OSBPL1A: variants seen among roughly 807,000 people sequenced by gnomAD.
OSBPL1A encodes the protein oxysterol binding protein like 1A.
OSBPL1A carries 80 observed loss-of-function variants against 137.1 expected under a neutral mutation model. The ratio of observed to expected loss-of-function variants is 0.58; its 90% CI spans 0.49 to 0.70. The LOEUF is 0.70. Ranked by LOEUF, OSBPL1A falls within the 30% of genes least tolerant of loss-of-function variation. OSBPL1A has a pLI of 0.00. For synonymous variants in OSBPL1A, 365 were observed against 389.7 expected, an observed-to-expected ratio of 0.94 and a Z score of 0.75; for missense variants, 970 against 1,129.4, an observed-to-expected ratio of 0.86 and a Z score of 2.02.
At chr18:24,205,917 G>C (rs1232460595) in intron 17 of OSBPL1A, among the ~76,000 whole-genome samples, 1 of 152,202 alleles carries the variant, frequency 6.6e-6, no homozygotes, top group East Asian at 1.9e-4. Flanking sequence ...TTGAGACAGA[G>C]TCTCGATCTG....
At chr18:24,198,848 G>C (rs547160385) in intron 17 of OSBPL1A, among the ~76,000 whole-genome samples, 1 of 140,236 alleles carries the variant, frequency 7.1e-6, no homozygotes, top group South Asian at 2.2e-4. Flanking sequence ...TGTTGTTTTG[G>C]TGTTTTTTTT....
At chr18:24,273,693 G>A (rs1416941062) in intron 15 of OSBPL1A, among the ~76,000 whole-genome samples, 1 of 152,140 alleles carries the variant, frequency 6.6e-6, no homozygotes, top group East Asian at 1.9e-4. Flanking sequence ...AGATACAGTT[G>A]CTTCCTTAGG....
At chr18:24,273,311 G>A (rs180903947) in intron 15 of OSBPL1A, among the ~76,000 whole-genome samples, 76 of 152,310 alleles carry the variant, frequency 5.0e-4, no homozygotes, top group African/African-American at 1.8e-3. Context: ...AGGAGTCCCT[G>A]CTACAGAATC....
chr18:24,169,816 A>G (rs1170758744), intron 24 of OSBPL1A, among the ~76,000 whole-genome samples: 1 of 152,232 alleles, frequency 6.6e-6, no homozygotes. Flanking sequence ...TGCCTCCCCT[A>G]CTGGGATTTA....
chr18:24,321,017 A>C (rs1388033674), intron 7 of OSBPL1A, among the ~76,000 whole-genome samples: 1 of 138,476 alleles, frequency 7.2e-6, no homozygotes, highest in African/African-American at 2.8e-5. Context: ...AACAAGAGCA[A>C]GACTTCGTCT....
intron 4 of OSBPL1A, chr18:24,358,384 C>T (rs763057581): frequency 1.8e-5 from 12 of 680,616 alleles, no homozygotes; most frequent in South Asian, 4.7e-5. Context: ...TCGCTTGAGC[C>T]GGCAGCACTA....
chr18:24,305,910 A>ACCAAGATTGTGAGG (rs2090491495), intron 13 of OSBPL1A, among the ~76,000 whole-genome samples: 1 of 152,150 alleles, frequency 6.6e-6, no homozygotes, highest in Non-Finnish European at 1.5e-5. Context: ...TTCACCTTCC[A>ACCAAGATTGTGAGG]CCAAGATTGT....
chr18:24,395,332 C>T (rs1038455673), intron 1 of OSBPL1A, among the ~76,000 whole-genome samples: 2 of 152,184 alleles, frequency 1.3e-5, no homozygotes, highest in Non-Finnish European at 2.9e-5. Context: ...CTACTTTCTG[C>T]CTACTACTTT....
At position 24,317,385 on chromosome 18, in the gene OSBPL1A, CA is replaced by C. The variant is rs749755127; in HGVS notation, c.747del (p.Phe249LeufsTer8). On this transcript the variant is annotated frameshift_variant, in exon 10 of 28. Coordinates refer to ENST00000319481, the MANE Select transcript of OSBPL1A (RefSeq NM_080597.4). LOFTEE classifies it high-confidence loss of function. The part of the protein sequence containing the change: ...EGPLWKSSRF[F>X]GWRLFWVVLE... ...AACACTACCCAGAATAATCTCCAGC[CA>C]AAAAATCTTGAACTCTAAGGGAAAA... The C allele has an allele frequency of 2.7e-5, 43 of 1,613,366 alleles. No individual in the cohort carries two copies. In the South Asian group the frequency reaches 4.6e-4, roughly 17 times the overall value.
chr18:24,366,697 G>A, intron 4 of OSBPL1A, 195 bp downstream of exon 4: 1 of 427,212 alleles, frequency 2.3e-6, no homozygotes, highest in Non-Finnish European at 4.1e-6. Context: ...CAGAGTGGGG[G>A]TCTCCATGAC....
At position 24,170,380 on chromosome 18, in the gene OSBPL1A, C is replaced by T. The variant is rs146787158; in HGVS notation, c.2365G>A (p.Ala789Thr). The T allele has an allele frequency of 1.3e-4, 203 of 1,613,952 alleles. No individual in the cohort carries two copies. The highest frequency in any genetic ancestry group is 1.8e-4 in the Admixed American group (11 of 59,990). ...LYSVDPATFD[A>T]YKKNDKKNTE... ...TTTTTCTTATCATTTTTTTTGTAAG[C>T]GTCAAACGTGGCAGGGTCAACACTG... Residue 789 changes from alanine to threonine, a missense_variant, in exon 24 of 28, where the codon GCT (alanine) becomes ACT (threonine). Transcript: ENST00000319481.
chr18:24,387,039 GA>G (rs916594420), intron 1 of OSBPL1A, among the ~76,000 whole-genome samples: 1 of 151,476 alleles, frequency 6.6e-6, no homozygotes, highest in African/African-American at 2.4e-5. Flanking sequence ...ATATATTTTT[GA>G]AATATATATA....
chr18:24,240,550 T>C (rs944106640), intron 15 of OSBPL1A, among the ~76,000 whole-genome samples: 4 of 152,116 alleles, frequency 2.6e-5, no homozygotes, highest in Non-Finnish European at 5.9e-5. Context: ...CAATGTGCAC[T>C]ATAGACAGAC....
chr18:24,224,806 T>C (rs1164330478), intron 17 of OSBPL1A, among the ~76,000 whole-genome samples: 1 of 152,250 alleles, frequency 6.6e-6, no homozygotes, highest in Non-Finnish European at 1.5e-5. Context: ...AAAGGATTTA[T>C]GTGCCCCTCT....
chr18:24,299,140 T>C (rs1599634630), intron 14 of OSBPL1A, among the ~76,000 whole-genome samples: 3 of 151,964 alleles, frequency 2.0e-5, no homozygotes, highest in African/African-American at 4.8e-5. Context: ...GGCAAGTCTC[T>C]TGAAGACAGA....
intron 22 of OSBPL1A, 67 bp from the exon 23 acceptor site, chr18:24,171,565 T>C (rs2145910549): frequency 8.0e-7 from 1 of 1,243,584 alleles, no homozygotes; most frequent in African/African-American, 1.5e-5. Flanking sequence ...AAAATAACTG[T>C]GATCACTTTT....
intron 27 of OSBPL1A, 129 bp downstream of exon 27, chr18:24,164,936 G>T: frequency 1.1e-6 from 1 of 876,486 alleles, no homozygotes; most frequent in South Asian, 1.7e-5. Context: ...TTTCAGGCCT[G>T]GGACAACTCG....
chr18:24,363,991 C>T (rs1467486086), intron 4 of OSBPL1A, among the ~76,000 whole-genome samples: 5 of 151,970 alleles, frequency 3.3e-5, no homozygotes, highest in Admixed American at 1.3e-4. Flanking sequence ...CGAGATAATC[C>T]AAAATAATTT....
chr18:24,186,279 T>G (rs1163503607), intron 18 of OSBPL1A, among the ~76,000 whole-genome samples: 1 of 152,192 alleles, frequency 6.6e-6, no homozygotes, highest in Non-Finnish European at 1.5e-5. Context: ...GTATATTGTT[T>G]GTGGTACTAG....
Sources: allele counts gnomAD v4.1 joint callset (sites outside exome capture counted in the v4.1 genomes callset), GRCh38; gene constraint gnomAD v4.1.1; transcripts MANE v1.5; gene names NCBI Gene and HGNC (gene_info 2026-07-23, HGNC 2026-07-21).